The following CEP152 variants were observed in gnomAD, a reference collection of about 807,000 sequenced individuals.
The protein encoded by CEP152 is centrosomal protein of 152 kDa.
Under a neutral mutation model 188.9 loss-of-function variants are expected in CEP152, and 132 were observed. The observed-to-expected ratio is 0.70, with a 90% CI of 0.61 to 0.81. The LOEUF (loss-of-function observed/expected upper bound fraction) is 0.81, where lower values mean the gene tolerates loss of function less well. Ranked by LOEUF, CEP152 falls within the 30% of genes least tolerant of loss-of-function variation. The pLI is 0.00. For missense variants in CEP152, 1,914 were observed against 1,969.8 expected (o/e 0.97, Z 0.54); for synonymous variants, 649 against 666.6 (o/e 0.97, Z 0.41).
intron 17 of CEP152, chr15:48,765,728 A>T: frequency 2.9e-6 from 1 of 347,388 alleles, no homozygotes; most frequent in East Asian, 8.5e-5. Flanking sequence ...ATCTCGACTC[A>T]CTGCAAGCTC....
At chr15:48,788,326 C>CTT (rs538514112) in intron 9 of CEP152, among the ~76,000 whole-genome samples, 47 of 97,022 alleles carry the variant, frequency 4.8e-4, no homozygotes, top group South Asian at 7.9e-4. Context: ...TCACTGGCTT[C>CTT]TTTTTTTTTT....
Position 48,756,285 on chromosome 15 carries a change from T to C in CEP152, c.2963A>G (p.Asn988Ser). Residue 988 changes from asparagine (N) to serine (S), a missense_variant, in exon 20 of 27, where the codon AAT becomes AGT. Transcript: ENST00000380950. ...TGCCGCAAGCACCTCATTAATTTTA[T>C]TTCGGTGATCATCTAAAAATTGCCG... The part of the protein sequence containing the change: ...DYRQFLDDHR[N>S]KINEVLAAAK... 1.3e-6 allele frequency: 2 copies of C among 1,579,936 alleles called. No homozygotes were observed. Among genetic ancestry groups the C allele is most frequent in the Non-Finnish European group, 1.7e-6 (2 of 1,165,830 alleles).
Position 48,791,218 on chromosome 15 carries a change from C to G in CEP152, c.972+19G>C. The G allele has an allele frequency of 1.2e-6, 2 of 1,603,566 alleles. No homozygotes were observed. The highest frequency in any genetic ancestry group is 1.1e-5 in the South Asian group (1 of 89,468). On this transcript the variant is annotated intron_variant, in intron 8 of 26. Coordinates refer to ENST00000380950, the MANE Select transcript of CEP152 (RefSeq NM_001194998.2). ...CTAAACTTTTAATTTTTTTACCATA[C>G]ATAAGTTAAAATAGGTACCTGTTCT...
chr15:48,770,388 C>T (rs1895446115), intron 13 of CEP152, among the ~76,000 whole-genome samples: 1 of 152,062 alleles, frequency 6.6e-6, no homozygotes, highest in Non-Finnish European at 1.5e-5. Flanking sequence ...TTCCTTTGAT[C>T]TATTGATCAA....
Position 48,762,582 on chromosome 15 carries a change from A to C in CEP152, c.2371T>G (p.Cys791Gly). 3 of 1,614,056 alleles carry C rather than the reference A, an allele frequency of 1.9e-6. No homozygotes were observed. The South Asian group carries it at 3.3e-5, about 18-fold the overall frequency. Residue 791 changes from cysteine (C) to glycine (G), a missense_variant, in exon 18 of 27, where the codon TGT becomes GGT. Physicochemically the swap from Cys to Gly is radical, Grantham distance 159. Transcript: ENST00000380950. ...GTTACTTGGTCAGTTTGGCTGCCAC[A>C]ATCTAAGGTCTTCTTTTTCATTGCC... ...IKAMKKKTLD[C>G]GSQTDQVTTS...
chr15:48,748,888 A>G (rs1339086149), intron 21 of CEP152, among the ~76,000 whole-genome samples: 1 of 152,074 alleles, frequency 6.6e-6, no homozygotes, highest in Non-Finnish European at 1.5e-5. Flanking sequence ...ATTGCTCTGG[A>G]TCTTGGTATT....
Position 48,755,134 on chromosome 15 carries a change from A to T in CEP152, c.3345+769T>A, listed in dbSNP as rs1699402. Reference sequence around the variant, plus strand: ...TTGCTTTGATCATAAGGTAGCAAGAATTTGGTTTTACTGAAACTTTCATAC... The same window carrying T: ...TTGCTTTGATCATAAGGTAGCAAGATTTTGGTTTTACTGAAACTTTCATAC... On this transcript the variant is annotated intron_variant, in intron 20 of 26. Coordinates refer to ENST00000380950, the MANE Select transcript of CEP152 (RefSeq NM_001194998.2). 4.6e-5 allele frequency among the ~76,000 whole-genome samples: 7 copies of T among 152,040 alleles called. No individual in the cohort carries two copies. In the East Asian group the frequency reaches 1.4e-3, roughly 29 times the overall value.
chr15:48,745,846 T>G (rs183503432), intron 22 of CEP152, among the ~76,000 whole-genome samples: 2 of 152,296 alleles, frequency 1.3e-5, no homozygotes, highest in Admixed American at 1.3e-4. Flanking sequence ...CTTTCTGAAC[T>G]TTTCTTCACA....
At chr15:48,730,024 T>C (rs992923850) in intron 2 of CEP152, among the ~76,000 whole-genome samples, 2 of 150,068 alleles carry the variant, frequency 1.3e-5, no homozygotes, top group Non-Finnish European at 3.0e-5. Flanking sequence ...ACTACAAAAC[T>C]GAAAAAAGAA....
chr15:48,744,237 T>TA lies in CEP152; in HGVS notation c.3835+2dup. On this transcript the variant is annotated splice_region_variant and intron_variant, in intron 24 of 26. Transcript: ENST00000380950. ...TCCTTAAAATCTTCAGAATTAAACT[T>TA]ACATTTAATTTTTTTTACAGCTTTA... 6.2e-7 allele frequency: 1 copy of TA among 1,613,932 alleles called. No homozygotes were observed. The highest frequency in any genetic ancestry group is 8.5e-7 in the Non-Finnish European group (1 of 1,179,912).
chr15:48,803,467 A>C (rs1897798576), intron 2 of CEP152, among the ~76,000 whole-genome samples: 1 of 152,206 alleles, frequency 6.6e-6, no homozygotes, highest in African/African-American at 2.4e-5. Flanking sequence ...CTAGCCTCTC[A>C]TCTCACTTTT....
Position 48,749,883 on chromosome 15 carries a change from A to T in CEP152, c.3467-1273T>A, listed in dbSNP as rs1365557121. 1.3e-5 allele frequency among the ~76,000 whole-genome samples: 2 copies of T among 152,118 alleles called. 1 individual carries two copies. Among genetic ancestry groups the T allele is most frequent in the Admixed American group, 1.3e-4 (2 of 15,274 alleles). On this transcript the variant is annotated intron_variant, in intron 21 of 26. Coordinates refer to ENST00000380950, the MANE Select transcript of CEP152 (RefSeq NM_001194998.2). Reference sequence around the variant, plus strand: ...CATTATTGGGTCAATTGACAAAATTAGAATACAACAGTAGATTAATACAAT... The same window carrying T: ...CATTATTGGGTCAATTGACAAAATTTGAATACAACAGTAGATTAATACAAT...
At chr15:48,729,174 G>A (rs769567524) in intron 2 of CEP152, 1 of 152,116 alleles carries the variant, frequency 6.6e-6, no homozygotes, top group Admixed American at 6.6e-5. Context: ...GCTTGAAGGT[G>A]AACAGCAAAG....
chr15:48,794,035 C>G (rs1897145452), intron 6 of CEP152, among the ~76,000 whole-genome samples: 1 of 151,934 alleles, frequency 6.6e-6, no homozygotes, highest in Non-Finnish European at 1.5e-5. Context: ...ATAGATTAAT[C>G]AAGAATTTTG....
chr15:48,751,916 A>C (rs1047858573), intron 21 of CEP152, among the ~76,000 whole-genome samples: 7 of 152,228 alleles, frequency 4.6e-5, no homozygotes, highest in African/African-American at 1.7e-4. Context: ...AGAGATTAAA[A>C]ACACTGCCCA....
At chr15:48,751,932 T>G (rs1003565690) in intron 21 of CEP152, among the ~76,000 whole-genome samples, 1 of 152,190 alleles carries the variant, frequency 6.6e-6, no homozygotes, top group African/African-American at 2.4e-5. Flanking sequence ...GCCCAGGCCC[T>G]CAGAAAAACT....
intron 26 of CEP152, chr15:48,741,212 C>T: frequency 5.5e-6 from 6 of 1,092,920 alleles, no homozygotes; most frequent in Non-Finnish European, 6.7e-6. Context: ...TTACTGCAAC[C>T]TCAAATTCCT....
At chr15:48,809,512 T>C (rs953550614) in intron 1 of CEP152, among the ~76,000 whole-genome samples, 2 of 152,234 alleles carry the variant, frequency 1.3e-5, no homozygotes, top group East Asian at 3.8e-4. Flanking sequence ...AAAGAGCTTT[T>C]AGATTAGAAA....
chr15:48,739,144 C>A lies in CEP152; in HGVS notation c.4238G>T (p.Arg1413Met). 6.2e-7 allele frequency: 1 copy of A among 1,614,204 alleles called. No individual in the cohort carries two copies. The change falls in exon 27 of 27, where the codon AGG becomes ATG. Residue 1413 changes from arginine (R) to methionine (M), a missense_variant. Coordinates refer to ENST00000380950, the MANE Select transcript of CEP152 (RefSeq NM_001194998.2). The part of the protein sequence containing the change: ...TRTLCEQAPK[R>M]RAACNLQRLL... Reference sequence around the variant, plus strand: ...CCTTTGTAAGTTACAAGCTGCCCTCCTCTTGGGAGCTTGTTCGCACAGAGT... The same window carrying A: ...CCTTTGTAAGTTACAAGCTGCCCTCATCTTGGGAGCTTGTTCGCACAGAGT...
Sources: allele counts gnomAD v4.1 joint callset (sites outside exome capture counted in the v4.1 genomes callset), GRCh38; gene constraint gnomAD v4.1.1; transcripts MANE v1.5; gene names NCBI Gene and HGNC (gene_info 2026-07-23, HGNC 2026-07-21).